Variants in TTC19 observed in about 807,000 individuals in gnomAD.
TTC19 encodes tetratricopeptide repeat domain 19, also known as tetratricopeptide repeat protein 19, mitochondrial.
Under a neutral mutation model 49.5 loss-of-function variants are expected in TTC19, and 38 were observed. The observed-to-expected ratio is 0.77, with a 90% CI of 0.59 to 1.01. The LOEUF is 1.01. Ranked by LOEUF, TTC19 falls within the 50% of genes least tolerant of loss-of-function variation. The probability of loss-of-function intolerance (pLI) is 0.00; values close to 1 mark genes in which losing one functional copy is unlikely to be tolerated. For synonymous variants in TTC19, 204 were observed against 185.2 expected (o/e 1.10, Z -0.83); for missense variants, 475 against 477.7 (o/e 0.99, Z 0.05).
chr17:16,041,554 T>C lies in TTC19; in HGVS notation c.248-2949T>C, dbSNP rs1489288107. Among the ~76,000 whole-genome samples, 8 of 146,818 alleles carry C rather than the reference T, an allele frequency of 5.4e-5. No homozygotes were observed. In the East Asian group the frequency reaches 8.3e-4, roughly 15 times the overall value. ...TCAGCCTCCCGAGCAGCTGGGATTA[T>C]AGGCCCCCCGCCACCATGCCCAGCT... On this transcript the variant is annotated intron_variant, in intron 2 of 2. Coordinates refer to the TTC19 transcript ENST00000470649.
intron 2 of TTC19, chr17:16,040,428 T>C (rs758540115): frequency 5.0e-6 from 8 of 1,612,374 alleles, no homozygotes; most frequent in African/African-American, 1.3e-5. Flanking sequence ...AAATAATGTC[T>C]TTTCAATCTT....
In TTC19 at chr17:16,011,331, C is replaced by G. The variant is rs1971062901; in HGVS notation, c.676+4763C>G. Among the ~76,000 whole-genome samples the G allele has an allele frequency of 1.3e-5, 2 of 152,232 alleles. 1 individual carries two copies. The highest frequency in any genetic ancestry group is 4.1e-4 in the South Asian group (2 of 4,830). On this transcript the variant is annotated intron_variant, in intron 7 of 9. Coordinates refer to ENST00000261647, the MANE Select transcript of TTC19 (RefSeq NM_017775.4). ...GAGTAGCTGGGATTACAGGCGTGAG[C>G]TACCACACCCGGCTAATTTTGTATT... is the stretch of plus-strand genomic sequence containing the variant.
At position 16,014,305 on chromosome 17, in the gene TTC19, C is replaced by T. The variant is rs553074092; in HGVS notation, c.676+7737C>T. Among the ~76,000 whole-genome samples the T allele has an allele frequency of 3.3e-4, 51 of 152,328 alleles. 1 individual carries two copies. The highest frequency in any genetic ancestry group is 1.1e-3 in the African/African-American group (44 of 41,562). Reference sequence around the variant, plus strand: ...ATTATCATGATTGGCTAAAATACATCAGTCTCCTTTCCTGAGGATGTGAGT... The same window carrying T: ...ATTATCATGATTGGCTAAAATACATTAGTCTCCTTTCCTGAGGATGTGAGT... On this transcript the variant is annotated intron_variant, in intron 7 of 9. Transcript: ENST00000261647.
At chr17:16,023,623 TTTCAGAAATAGACGAGTCTGA>T (rs1379172338) in intron 7 of TTC19, 1 of 152,226 alleles carries the variant, frequency 6.6e-6, no homozygotes, top group Non-Finnish European at 1.5e-5. Flanking sequence ...GAATCCGATT[TTTCAGAAATAGACGAGTCTGA>T]TGATACAGAC....
intron 7 of TTC19, chr17:16,024,802 C>T (rs1164357636): frequency 1.8e-6 from 1 of 568,770 alleles, no homozygotes. Flanking sequence ...CTAAAAATAA[C>T]ATTCCACATT....
intron 7 of TTC19, among the ~76,000 whole-genome samples, chr17:16,009,776 C>A (rs1451291238): frequency 6.6e-6 from 1 of 152,084 alleles, no homozygotes; most frequent in Non-Finnish European, 1.5e-5. Context: ...TAAAACCTTG[C>A]TCTAGGATAA....
chr17:16,017,167 C>T (rs1435168241), intron 7 of TTC19, among the ~76,000 whole-genome samples: 2 of 151,986 alleles, frequency 1.3e-5, no homozygotes, highest in African/African-American at 4.8e-5. Flanking sequence ...TATATCTTAC[C>T]CTTAACTTTT....
intron 7 of TTC19, among the ~76,000 whole-genome samples, chr17:16,017,441 TC>T (rs1431035235): frequency 1.2e-5 from 1 of 86,722 alleles, no homozygotes; most frequent in Non-Finnish European, 2.1e-5. Flanking sequence ...AGAGTGAGAC[TC>T]CGGCTCAAAA....
Position 16,000,215 on chromosome 17 carries a change from A to G in TTC19, c.282A>G (p.Ala94=), listed in dbSNP as rs778180602. 5.0e-6 allele frequency: 8 copies of G among 1,595,114 alleles called. No individual in the cohort carries two copies. The South Asian group carries it at 7.7e-5, about 15-fold the overall frequency. The change falls in exon 2 of 10, where the codon GCA becomes GCG. Residue 94 remains alanine, a synonymous_variant. Transcript: ENST00000261647. Reference sequence around the variant, plus strand: ...AGGACGGGGCGGACGAGGCCGAGGCAGAGATCATCCAGCTGCTGAAGCGAG... The same window carrying G: ...AGGACGGGGCGGACGAGGCCGAGGCGGAGATCATCCAGCTGCTGAAGCGAG... ...AAEDGADEAE[A]EIIQLLKRAK...
chr17:16,019,829 A>G (rs1971319279), intron 7 of TTC19, among the ~76,000 whole-genome samples: 1 of 152,070 alleles, frequency 6.6e-6, no homozygotes, highest in Non-Finnish European at 1.5e-5. Context: ...GGGTGCATAT[A>G]CCAAATTGCT....
downstream of TTC19, chr17:16,032,335 G>C (rs531315363): frequency 2.5e-6 from 4 of 1,614,136 alleles, no homozygotes; most frequent in East Asian, 4.5e-5. Context: ...ACTGTGCTGA[G>C]AGCAGTGGGG....
At chr17:16,000,544 A>C in intron 2 of TTC19, 1 of 614,738 alleles carries the variant, frequency 1.6e-6, no homozygotes, top group Non-Finnish European at 2.3e-6. Context: ...TTTATCAATT[A>C]ACCAGCCTAT....
chr17:16,039,766 G>A, intron 2 of TTC19: 1 of 937,184 alleles, frequency 1.1e-6, no homozygotes, highest in Non-Finnish European at 1.6e-6. Context: ...AAGTGACCTA[G>A]AACAATACCA....
At chr17:16,029,632 A>G (rs1971770165), downstream of TTC19, 1 of 173,062 alleles carries the variant, frequency 5.8e-6, no homozygotes, top group Admixed American at 5.8e-5. Context: ...TCTACAAAGA[A>G]TATCATGTTT....
At chr17:16,013,995 G>C (rs373705970) in intron 7 of TTC19, among the ~76,000 whole-genome samples, 3 of 152,284 alleles carry the variant, frequency 2.0e-5, no homozygotes, top group African/African-American at 7.2e-5. Context: ...AGTTGACAGT[G>C]TGATTCACTG....
At position 16,027,663 on chromosome 17, in the gene TTC19, G is replaced by A. The variant is rs749512923; in HGVS notation, c.*141G>A. On this transcript the variant is annotated 3_prime_UTR_variant, in exon 10 of 10. Transcript: ENST00000261647. The stretch of plus-strand genomic sequence containing the variant: ...CTCAATTTAGCCTTAGTGAAGGAGG[G>A]GTTGTACACACTGCCATTTTTGTAT... 1 of 952,904 alleles carries A rather than the reference G, an allele frequency of 1.0e-6. No individual in the cohort carries two copies. The highest frequency in any genetic ancestry group is 1.6e-6 in the Non-Finnish European group (1 of 611,058). 59.0% of individuals were successfully genotyped at this position (952,904 alleles called of 1,614,324 possible). A position where few individuals can be genotyped will look rare whatever the true frequency, so the allele number is the denominator to read the frequency against.
rs567586978 is a variant in TTC19, at chr17:16,041,569, C to T, written c.248-2934C>T. ...GCTGGGATTATAGGCCCCCCGCCAC[C>T]ATGCCCAGCTAATTTTTGTATTTTT... On this transcript the variant is annotated intron_variant, in intron 2 of 2. Coordinates refer to the TTC19 transcript ENST00000470649. Among the ~76,000 whole-genome samples the T allele has an allele frequency of 1.9e-4, 28 of 151,038 alleles. 1 individual carries two copies. In the East Asian group the frequency reaches 3.9e-3, roughly 21 times the overall value.
At chr17:16,000,337 C>T (rs780038295) in intron 2 of TTC19, 92 bp downstream of exon 2, 7 of 1,549,398 alleles carry the variant, frequency 4.5e-6, no homozygotes, top group Admixed American at 1.9e-5. Context: ...CTCCGCCTCG[C>T]CGAAGAGTGG....
intron 7 of TTC19, among the ~76,000 whole-genome samples, chr17:16,011,362 T>C (rs181226883): frequency 6.6e-6 from 1 of 152,214 alleles, no homozygotes; most frequent in East Asian, 1.9e-4. Flanking sequence ...GTATTTTTAG[T>C]AGAGACGGGA....
Sources: gnomAD v4.1 joint callset for allele counts (sites outside exome capture counted in the v4.1 genomes callset) on GRCh38, gnomAD v4.1.1 for gene constraint, MANE v1.5 for transcripts, NCBI Gene and HGNC (gene_info 2026-07-23, HGNC 2026-07-21) for gene names.